HEMK2: variants seen among roughly 807,000 people sequenced by gnomAD.
HEMK2 encodes the protein HemK methyltransferase 2, ETF1 glutamine and histone H4 lysine.
the HEMK2 span, among the ~76,000 whole-genome samples, chr21:28,656,960 T>C: frequency 6.6e-6 from 1 of 152,088 alleles, no homozygotes; most frequent in Non-Finnish European, 1.5e-5. Flanking sequence ...ATAATATTTG[T>C]GACAATTCTG....
chr21:28,697,718 C>T, the HEMK2 span, among the ~76,000 whole-genome samples: 371 of 137,056 alleles, frequency 2.7e-3, 13 homozygotes, highest in East Asian at 0.076. Flanking sequence ...CTCCCTGAAG[C>T]CCTCATCAAA....
At chr21:28,834,308 G>A in the HEMK2 span, among the ~76,000 whole-genome samples, 2 of 152,174 alleles carry the variant, frequency 1.3e-5, no homozygotes, top group East Asian at 1.9e-4. Flanking sequence ...TACAGGACCT[G>A]GGAGACCCCC....
the HEMK2 span, among the ~76,000 whole-genome samples, chr21:28,619,774 T>C: frequency 2.6e-5 from 4 of 152,216 alleles, no homozygotes; most frequent in African/African-American, 2.4e-5. Context: ...TGAAGTGATA[T>C]GGTTTCAATT....
At chr21:28,730,383 G>GAC in the HEMK2 span, among the ~76,000 whole-genome samples, 203 of 115,908 alleles carry the variant, frequency 1.8e-3, no homozygotes, top group East Asian at 0.01. Context: ...AACACACACA[G>GAC]ACACACACAC....
At chr21:28,609,911 T>C in the HEMK2 span, among the ~76,000 whole-genome samples, 3 of 152,192 alleles carry the variant, frequency 2.0e-5, no homozygotes, top group African/African-American at 7.2e-5. Context: ...CAGATTATGC[T>C]AAATGACCAA....
At chr21:28,761,774 G>C in the HEMK2 span, among the ~76,000 whole-genome samples, 1 of 151,986 alleles carries the variant, frequency 6.6e-6, no homozygotes, top group South Asian at 2.1e-4. Flanking sequence ...GAGAAGGCAC[G>C]CAACAGGTTG....
the HEMK2 span, chr21:28,876,461 C>A: frequency 3.7e-6 from 6 of 1,605,778 alleles, no homozygotes; most frequent in Non-Finnish European, 5.1e-6. Context: ...TCCTTGCAGA[C>A]CTTTTGTCTT....
At chr21:28,579,862 C>A in the HEMK2 span, among the ~76,000 whole-genome samples, 2 of 152,318 alleles carry the variant, frequency 1.3e-5, no homozygotes, top group Admixed American at 1.3e-4. Context: ...ACTCTGGTGA[C>A]TGAACTTTCT....
At chr21:28,813,791 A>C in the HEMK2 span, among the ~76,000 whole-genome samples, 4 of 152,224 alleles carry the variant, frequency 2.6e-5, no homozygotes, top group African/African-American at 9.6e-5. Flanking sequence ...CAATTATCTG[A>C]TCTTTGACAA....
the HEMK2 span, among the ~76,000 whole-genome samples, chr21:28,618,903 T>G: frequency 6.6e-5 from 10 of 152,178 alleles, no homozygotes; most frequent in Admixed American, 6.5e-4. Flanking sequence ...AACTGAATTG[T>G]GTCTACTAAA....
the HEMK2 span, among the ~76,000 whole-genome samples, chr21:28,838,972 A>AAAAATATATATATATATAT: frequency 1.0e-4 from 3 of 29,150 alleles, no homozygotes; most frequent in African/African-American, 1.9e-4. Context: ...AAAAAAAAAA[A>AAAAATATATATATATATAT]ATATATATAT....
chr21:28,836,079 GA>G, the HEMK2 span, among the ~76,000 whole-genome samples: 2 of 152,138 alleles, frequency 1.3e-5, no homozygotes, highest in Non-Finnish European at 2.9e-5. Context: ...AATAATTGAG[GA>G]AAACTTCCTC....
chr21:28,691,237 C>A, the HEMK2 span, among the ~76,000 whole-genome samples: 2 of 110,544 alleles, frequency 1.8e-5, no homozygotes, highest in African/African-American at 1.1e-4. Flanking sequence ...CCCAGTGAGA[C>A]AGTTCATATG....
At chr21:28,823,073 A>C in the HEMK2 span, among the ~76,000 whole-genome samples, 1 of 152,186 alleles carries the variant, frequency 6.6e-6, no homozygotes, top group Non-Finnish European at 1.5e-5. Flanking sequence ...AGGAAGAGAG[A>C]TGGCTATCAA....
the HEMK2 span, among the ~76,000 whole-genome samples, chr21:28,683,427 C>A: frequency 1.3e-5 from 2 of 152,202 alleles, no homozygotes; most frequent in African/African-American, 2.4e-5. Flanking sequence ...CAACCCAAGT[C>A]TTTTGATAAG....
chr21:28,861,292 G>A, the HEMK2 span, among the ~76,000 whole-genome samples: 1 of 152,228 alleles, frequency 6.6e-6, no homozygotes, highest in African/African-American at 2.4e-5. Flanking sequence ...GTAATAAACA[G>A]CAGAGGCAAA....
the HEMK2 span, among the ~76,000 whole-genome samples, chr21:28,635,726 T>C: frequency 2.6e-5 from 4 of 152,066 alleles, no homozygotes; most frequent in African/African-American, 4.8e-5. Flanking sequence ...GGCCACTCCA[T>C]TACTAAGTTG....
the HEMK2 span, among the ~76,000 whole-genome samples, chr21:28,618,220 A>G: frequency 6.6e-6 from 1 of 152,202 alleles, no homozygotes; most frequent in African/African-American, 2.4e-5. Flanking sequence ...TTGAAATGCG[A>G]CTTAAGAATT....
the HEMK2 span, among the ~76,000 whole-genome samples, chr21:28,727,146 T>C: frequency 2.6e-3 from 403 of 152,236 alleles, 2 homozygotes; most frequent in African/African-American, 9.1e-3. Context: ...AGGGTGCCTA[T>C]GGAGAGATGA....
Sources: gnomAD v4.1 joint callset for allele counts (sites outside exome capture counted in the v4.1 genomes callset) on GRCh38, gnomAD v4.1.1 for gene constraint, MANE v1.5 for transcripts, NCBI Gene and HGNC (gene_info 2026-07-23, HGNC 2026-07-21) for gene names.